The following ZFYVE1 variants were observed in gnomAD, a reference collection of about 807,000 sequenced individuals.
The protein encoded by ZFYVE1 is zinc finger FYVE-type containing 1.
In ZFYVE1, 30 loss-of-function variants were observed where a neutral mutation model predicts 74.4. That is an observed-to-expected ratio of 0.40 (90% CI 0.30 to 0.55). The LOEUF is 0.55. ZFYVE1 is among the 20% of genes least tolerant of loss of function. The pLI is 0.42. For missense variants in ZFYVE1, 703 were observed against 1,011.6 expected, an observed-to-expected ratio of 0.69 and a Z score of 4.14; for synonymous variants, 335 against 385.1, an observed-to-expected ratio of 0.87 and a Z score of 1.52.
chr14:72,992,428 G>C (rs995341982), intron 4 of ZFYVE1, among the ~76,000 whole-genome samples: 3 of 152,092 alleles, frequency 2.0e-5, no homozygotes, highest in Non-Finnish European at 4.4e-5. Context: ...TGGTGCCTCC[G>C]TTTCCTCATC....
Position 73,006,170 on chromosome 14 carries a change from G to C in ZFYVE1, c.484-7855C>G, listed in dbSNP as rs530491950. Among the ~76,000 whole-genome samples the C allele has an allele frequency of 1.3e-3, 202 of 152,000 alleles. 1 individual carries two copies. Among genetic ancestry groups the C allele is most frequent in the African/African-American group, 4.4e-3 (181 of 41,516 alleles). On this transcript the variant is annotated intron_variant, in intron 2 of 11. Coordinates refer to ENST00000556143, the MANE Select transcript of ZFYVE1 (RefSeq NM_021260.4). ...TCCTGACCTCGTGATCCGCCCGCCT[G>C]GGCCTCCCAAAGTCCTGGGATTGTA...
chr14:73,025,421 C>T (rs189562998), intron 1 of ZFYVE1, among the ~76,000 whole-genome samples: 114 of 151,934 alleles, frequency 7.5e-4, no homozygotes, highest in East Asian at 6.2e-3. Flanking sequence ...TATAGCCAGG[C>T]GCAGTGGCTC....
At chr14:73,019,549 T>C (rs1894271771) in intron 2 of ZFYVE1, among the ~76,000 whole-genome samples, 3 of 152,222 alleles carry the variant, frequency 2.0e-5, no homozygotes, top group African/African-American at 7.2e-5. Flanking sequence ...AATAACACTT[T>C]GATAATGATA....
chr14:73,022,986 A>AC (rs1295358623), intron 2 of ZFYVE1, among the ~76,000 whole-genome samples: 2 of 151,444 alleles, frequency 1.3e-5, no homozygotes, highest in African/African-American at 4.9e-5. Flanking sequence ...AACATGGTGA[A>AC]CCCCCGTCTC....
chr14:73,021,244 A>G (rs1361877297), intron 2 of ZFYVE1, among the ~76,000 whole-genome samples: 1 of 152,130 alleles, frequency 6.6e-6, no homozygotes, highest in Admixed American at 6.6e-5. Context: ...GCTACTCAGG[A>G]GGCTGAGGCA....
chr14:73,010,087 CAG>C (rs1594859142), intron 2 of ZFYVE1, among the ~76,000 whole-genome samples: 3 of 151,954 alleles, frequency 2.0e-5, no homozygotes, highest in Non-Finnish European at 4.4e-5. Context: ...TCAAAAAAAA[CAG>C]AGAAATAGGG....
intron 3 of ZFYVE1, 43 bp from the exon 4 acceptor site, chr14:72,993,400 T>TA (rs1302457554): frequency 4.6e-6 from 7 of 1,509,152 alleles, no homozygotes; most frequent in South Asian, 1.3e-5. Context: ...TGAGTGACAT[T>TA]TAAAAAAAAA....
intron 4 of ZFYVE1, among the ~76,000 whole-genome samples, chr14:72,988,929 C>CTTTTT (rs34464072): frequency 1.9e-4 from 23 of 118,130 alleles, no homozygotes; most frequent in Non-Finnish European, 2.6e-4. Flanking sequence ...GCAATTTCTT[C>CTTTTT]TTTTTTTTTT....
chr14:73,020,456 G>A (rs530487602), intron 2 of ZFYVE1, among the ~76,000 whole-genome samples: 2 of 152,030 alleles, frequency 1.3e-5, no homozygotes, highest in South Asian at 2.1e-4. Flanking sequence ...GGGTTCATGC[G>A]ATTCTCCTGC....
chr14:72,999,660 G>A (rs1316079825), intron 2 of ZFYVE1, among the ~76,000 whole-genome samples: 1 of 152,174 alleles, frequency 6.6e-6, no homozygotes, highest in African/African-American at 2.4e-5. Flanking sequence ...CAGGCATGGT[G>A]GCATCCATTT....
intron 4 of ZFYVE1, among the ~76,000 whole-genome samples, chr14:72,988,905 C>T (rs1187269271): frequency 6.8e-6 from 1 of 147,316 alleles, no homozygotes; most frequent in Non-Finnish European, 1.5e-5. Flanking sequence ...CGCACATGCA[C>T]TTTTACAGCA....
chr14:72,977,142 T>G (rs1893193376), intron 8 of ZFYVE1, among the ~76,000 whole-genome samples: 1 of 152,204 alleles, frequency 6.6e-6, no homozygotes, highest in South Asian at 2.1e-4. Context: ...GCGCGGTGGC[T>G]CACGCCCATA....
At chr14:73,023,786 A>G (rs984278156) in intron 2 of ZFYVE1, among the ~76,000 whole-genome samples, 1 of 152,138 alleles carries the variant, frequency 6.6e-6, no homozygotes, top group Non-Finnish European at 1.5e-5. Flanking sequence ...TCACAACTCG[A>G]TGAAGTAGGC....
At chr14:73,009,469 T>C (rs982990999) in intron 2 of ZFYVE1, among the ~76,000 whole-genome samples, 5 of 152,132 alleles carry the variant, frequency 3.3e-5, no homozygotes, top group African/African-American at 9.7e-5. Flanking sequence ...AAGCTCTCCT[T>C]AGGGAGGCTG....
intron 4 of ZFYVE1, among the ~76,000 whole-genome samples, chr14:72,988,026 C>T (rs755365889): frequency 7.2e-5 from 11 of 152,116 alleles, no homozygotes; most frequent in Non-Finnish European, 1.3e-4. Flanking sequence ...GTGTGCACAC[C>T]AAAAACTGTT....
At position 72,975,777 on chromosome 14, in the gene ZFYVE1, G is replaced by A; in HGVS notation, c.1636-56C>T. The A allele has an allele frequency of 1.3e-5, 20 of 1,587,450 alleles. No homozygotes were observed. The highest frequency in any genetic ancestry group is 1.7e-5 in the Non-Finnish European group (20 of 1,165,736). ...TCTGAGAAGGGAGTGAAAGGAAGGA[G>A]GAAGAGGGATGTTTGGTGAGTTGCA... On this transcript the variant is annotated intron_variant, in intron 8 of 11. Transcript: ENST00000556143. This position sits in a 1 kb window ranked among gnomAD's most constrained non-coding sequence, Gnocchi z 4.1.
At chr14:73,021,107 G>A (rs1307402170) in intron 2 of ZFYVE1, among the ~76,000 whole-genome samples, 1 of 152,138 alleles carries the variant, frequency 6.6e-6, no homozygotes, top group African/African-American at 2.4e-5. Flanking sequence ...CATCTTGGGA[G>A]GCTGAGGCGG....
chr14:73,024,331 G>A lies in ZFYVE1; in HGVS notation c.178C>T (p.Arg60Trp). 10 of 1,614,026 alleles carry A rather than the reference G, an allele frequency of 6.2e-6. No individual in the cohort carries two copies. Among genetic ancestry groups the A allele is most frequent in the Non-Finnish European group, 8.5e-6 (10 of 1,180,016 alleles). Reference protein sequence around the residue: ...HRQERLRNHERIRLKPGHVPY... With the variant: ...HRQERLRNHEWIRLKPGHVPY... ...ACATGGCCAGGTTTGAGTCTTATCCGCTCATGGTTTCTCAGGCGCTCCTGC... is the reference window on the plus strand; with the variant it reads ...ACATGGCCAGGTTTGAGTCTTATCCACTCATGGTTTCTCAGGCGCTCCTGC... The change falls in exon 2 of 12, where the codon CGG becomes TGG. Residue 60 changes from arginine (R) to tryptophan (W), a missense_variant. By Grantham distance (101) the Arg-to-Trp change is moderately radical. Around this residue, in one of 2 missense-constraint regions of ZFYVE1, gnomAD observed 211 missense variants for 221.7 expected, o/e 0.95. Transcript: ENST00000556143.
At chr14:72,991,149 A>G (rs1882626340) in intron 4 of ZFYVE1, among the ~76,000 whole-genome samples, 1 of 151,254 alleles carries the variant, frequency 6.6e-6, no homozygotes, top group African/African-American at 2.4e-5. Flanking sequence ...CTGAGCACTA[A>G]TTACAGTTTA....
Sources: gnomAD v4.1 joint callset for allele counts (sites outside exome capture counted in the v4.1 genomes callset) on GRCh38, gnomAD v4.1.1 for gene constraint, gnomAD v4.1.1 regional missense constraint, Gnocchi (gnomAD v3.1) non-coding constraint, MANE v1.5 for transcripts, NCBI Gene and HGNC (gene_info 2026-07-23, HGNC 2026-07-21) for gene names.